The following CLIC4 variants were observed in gnomAD, a reference collection of about 807,000 sequenced individuals.
The protein encoded by CLIC4 is CLIC family member 4.
In CLIC4, 13 loss-of-function variants were observed where a neutral mutation model predicts 24.6. That is an observed-to-expected ratio of 0.53 (90% CI 0.34 to 0.84). The LOEUF (loss-of-function observed/expected upper bound fraction) is 0.84. CLIC4 is among the 40% of genes least tolerant of loss of function. The pLI is 0.01. For missense variants in CLIC4, 227 were observed against 301.7 expected, an observed-to-expected ratio of 0.75 and a Z score of 1.83; for synonymous variants, 104 against 111.3, an observed-to-expected ratio of 0.93 and a Z score of 0.41.
chr1:24,777,932 T>C (rs900868325), intron 1 of CLIC4: 3 of 152,238 alleles, frequency 2.0e-5, no homozygotes, highest in Non-Finnish European at 4.4e-5. Context: ...CATGCTAATC[T>C]GTTTTGAATT....
intron 3 of CLIC4, among the ~76,000 whole-genome samples, chr1:24,821,091 G>A (rs1639726370): frequency 6.6e-6 from 1 of 152,082 alleles, no homozygotes; most frequent in Non-Finnish European, 1.5e-5. Flanking sequence ...AGCCTGAGGT[G>A]GGAGGATTGC....
intron 2 of CLIC4, among the ~76,000 whole-genome samples, chr1:24,799,667 G>A (rs1223765088): frequency 8.0e-6 from 1 of 125,594 alleles, no homozygotes; most frequent in Non-Finnish European, 1.7e-5. Context: ...CAGCCCCCCC[G>A]CCCGGCCAGC....
Position 24,750,412 on chromosome 1 carries a change from GTTTC to G in CLIC4, c.72+4811_72+4814del, listed in dbSNP as rs545712230. Reference sequence around the variant, plus strand: ...GGGCATAAGGTCCCTTGTAATCTGGGTTTCTTTCTTTCTTTCTTTCTTTCTTTTT... The same window carrying G: ...GGGCATAAGGTCCCTTGTAATCTGGGTTTCTTTCTTTCTTTCTTTCTTTTT... On this transcript the variant is annotated intron_variant, in intron 1 of 5. Coordinates refer to ENST00000374379, the MANE Select transcript of CLIC4 (RefSeq NM_013943.3). 2.5e-3 allele frequency among the ~76,000 whole-genome samples: 378 copies of G among 149,756 alleles called. 1 individual carries two copies. The highest frequency in any genetic ancestry group is 7.0e-3 in the South Asian group (33 of 4,696).
rs144497975 is a variant in CLIC4, at chr1:24,761,450, C to T, written c.72+15825C>T. Among the ~76,000 whole-genome samples the T allele has an allele frequency of 2.4e-3, 371 of 152,122 alleles. 2 individuals carry two copies. Among genetic ancestry groups the T allele is most frequent in the African/African-American group, 8.3e-3 (346 of 41,494 alleles). On this transcript the variant is annotated intron_variant, in intron 1 of 5. Coordinates refer to ENST00000374379, the MANE Select transcript of CLIC4 (RefSeq NM_013943.3). ...TAATTAGAATGAGGGGAAAAGCGTT[C>T]TAGGTTGAAGGAATCAGCATGTGTA...
chr1:24,787,044 C>G (rs1481107150), intron 1 of CLIC4, among the ~76,000 whole-genome samples: 1 of 152,154 alleles, frequency 6.6e-6, no homozygotes, highest in Admixed American at 6.5e-5. Context: ...CTTCAGCATC[C>G]TGAGTAGCCT....
rs181775699 is a variant in CLIC4, at chr1:24,831,250, A to G, written c.415+4134A>G. Among the ~76,000 whole-genome samples, 651 of 152,264 alleles carry G rather than the reference A, an allele frequency of 4.3e-3. 1 individual carries two copies. The highest frequency in any genetic ancestry group is 6.0e-3 in the Non-Finnish European group (409 of 68,026). ...TTTGAAAAAAATTTATTTAAATGAGACAAGGTCTCACCACATTGCCCAGGC... is the reference window on the plus strand; with the variant it reads ...TTTGAAAAAAATTTATTTAAATGAGGCAAGGTCTCACCACATTGCCCAGGC... On this transcript the variant is annotated intron_variant, in intron 4 of 5. Coordinates refer to ENST00000374379, the MANE Select transcript of CLIC4 (RefSeq NM_013943.3).
intron 1 of CLIC4, among the ~76,000 whole-genome samples, chr1:24,797,244 G>A (rs1239863259): frequency 2.0e-5 from 3 of 150,796 alleles, no homozygotes; most frequent in East Asian, 2.0e-4. Flanking sequence ...GTGCCACCAC[G>A]CCTGGCCCTA....
rs558142121 is a variant in CLIC4, at chr1:24,779,216, TC to T, written c.73-18523del. The stretch of plus-strand genomic sequence containing the variant: ...TGGGCATGGTAGCTTACGCCTGTAC[TC>T]CCAGCACGTTGGGAGGCCAAAGTGG... On this transcript the variant is annotated intron_variant, in intron 1 of 5. Transcript: ENST00000374379. Among the ~76,000 whole-genome samples the T allele has an allele frequency of 1.3e-4, 20 of 152,322 alleles. No individual in the cohort carries two copies. In the East Asian group the frequency reaches 3.9e-3, roughly 29 times the overall value.
At chr1:24,756,023 G>A (rs1355480987) in intron 1 of CLIC4, among the ~76,000 whole-genome samples, 4 of 141,194 alleles carry the variant, frequency 2.8e-5, no homozygotes, top group Non-Finnish European at 6.1e-5. Flanking sequence ...TTTTTGAGAC[G>A]GAGTCTTGCT....
chr1:24,775,524 C>T (rs1639126758), intron 1 of CLIC4, among the ~76,000 whole-genome samples: 1 of 149,892 alleles, frequency 6.7e-6, no homozygotes, highest in South Asian at 2.1e-4. Context: ...TTTCTTTCTT[C>T]TCTCTCTCTT....
At chr1:24,761,620 A>G (rs147860371) in intron 1 of CLIC4, among the ~76,000 whole-genome samples, 63 of 152,246 alleles carry the variant, frequency 4.1e-4, no homozygotes, top group African/African-American at 1.5e-3. Context: ...CAGTTCTCAG[A>G]TGGGTTTAAG....
intron 2 of CLIC4, among the ~76,000 whole-genome samples, chr1:24,812,858 A>G (rs1639628461): frequency 6.6e-6 from 1 of 151,702 alleles, no homozygotes; most frequent in African/African-American, 2.4e-5. Flanking sequence ...AGCTGGAACT[A>G]CAGGTGCATG....
At chr1:24,797,695 G>A (rs1639419990) in intron 1 of CLIC4, 47 bp from the exon 2 acceptor site, 2 of 1,314,440 alleles carry the variant, frequency 1.5e-6, no homozygotes, top group South Asian at 1.3e-5. Context: ...GTCATGTTGA[G>A]TATCATCACT....
intron 1 of CLIC4, among the ~76,000 whole-genome samples, chr1:24,764,800 T>C (rs1638972313): frequency 6.6e-6 from 1 of 152,238 alleles, no homozygotes; most frequent in Non-Finnish European, 1.5e-5. Context: ...GCCCTAAATT[T>C]GTTTTTATTT....
chr1:24,798,000 A>G (rs1409168048), intron 2 of CLIC4, 149 bp downstream of exon 2: 2 of 600,200 alleles, frequency 3.3e-6, no homozygotes, highest in Non-Finnish European at 5.8e-6. Flanking sequence ...GTATATAACT[A>G]TTTTGGACAA....
intron 2 of CLIC4, among the ~76,000 whole-genome samples, chr1:24,799,056 C>T (rs1360484686): frequency 2.0e-5 from 3 of 152,154 alleles, no homozygotes; most frequent in Non-Finnish European, 2.9e-5. Flanking sequence ...CAGCCTCTGC[C>T]CGGCCGCCAC....
rs539828968 is a variant in CLIC4 at position 24,831,257 on chromosome 1, C to G, written c.415+4141C>G. 3.7e-4 allele frequency among the ~76,000 whole-genome samples: 56 copies of G among 152,238 alleles called. 3 individuals are homozygous for G. The South Asian group carries it at 0.012, about 32-fold the overall frequency. On this transcript the variant is annotated intron_variant, in intron 4 of 5. Transcript: ENST00000374379. The stretch of plus-strand genomic sequence containing the variant: ...AAAATTTATTTAAATGAGACAAGGT[C>G]TCACCACATTGCCCAGGCTGGTCTT...
chr1:24,828,190 A>G (rs1022546231), intron 4 of CLIC4, among the ~76,000 whole-genome samples: 3 of 152,218 alleles, frequency 2.0e-5, no homozygotes, highest in African/African-American at 7.2e-5. Flanking sequence ...AAAATTTAGT[A>G]TTGGATTCCA....
At chr1:24,787,911 A>G (rs1196779441) in intron 1 of CLIC4, among the ~76,000 whole-genome samples, 2 of 145,792 alleles carry the variant, frequency 1.4e-5, no homozygotes, top group African/African-American at 5.2e-5. Flanking sequence ...GCTGGAGTGC[A>G]GTGGCATGAT....
Sources: allele counts gnomAD v4.1 joint callset (sites outside exome capture counted in the v4.1 genomes callset), GRCh38; gene constraint gnomAD v4.1.1; transcripts MANE v1.5; gene names NCBI Gene and HGNC (gene_info 2026-07-23, HGNC 2026-07-21).